STIMATE: variants seen among roughly 807,000 people sequenced by gnomAD.
STIMATE encodes STIM activating enhancer, also known as store-operated calcium entry regulator STIMATE.
Under a neutral mutation model 36.7 loss-of-function variants are expected in STIMATE, and 15 were observed. That is an observed-to-expected ratio of 0.41 (90% CI 0.27 to 0.63). The LOEUF (loss-of-function observed/expected upper bound fraction) is 0.63. Among genes scored for constraint, STIMATE ranks in the 20% least tolerant of loss-of-function variants. STIMATE has a pLI of 0.32. For missense variants in STIMATE, 305 were observed against 397.3 expected, an observed-to-expected ratio of 0.77 and a Z score of 1.98; for synonymous variants, 163 against 162.3, an observed-to-expected ratio of 1.00 and a Z score of -0.03.
At chr3:52,843,209 G>C in intron 6 of STIMATE, 1 of 646,454 alleles carries the variant, frequency 1.5e-6, no homozygotes. Flanking sequence ...GTGGTAACTA[G>C]GGGGAACAGC....
At chr3:52,892,049 C>A (rs189499434) in intron 1 of STIMATE, among the ~76,000 whole-genome samples, 224 of 152,352 alleles carry the variant, frequency 1.5e-3, no homozygotes, top group African/African-American at 5.2e-3. Flanking sequence ...CTGGGTCAGG[C>A]TGGATCCAGA....
At chr3:52,867,369 A>G (rs914251636) in intron 1 of STIMATE, among the ~76,000 whole-genome samples, 1 of 152,264 alleles carries the variant, frequency 6.6e-6, no homozygotes, top group Admixed American at 6.5e-5. Flanking sequence ...GTCCTGGGAC[A>G]CAAAACCGCT....
At chr3:52,888,521 G>A (rs530754913) in intron 1 of STIMATE, among the ~76,000 whole-genome samples, 3 of 152,318 alleles carry the variant, frequency 2.0e-5, no homozygotes, top group East Asian at 1.9e-4. Context: ...GGCATGCACC[G>A]TGTGGCTGTG....
intron 1 of STIMATE, among the ~76,000 whole-genome samples, chr3:52,896,535 C>A (rs1056331336): frequency 6.6e-5 from 10 of 152,142 alleles, no homozygotes; most frequent in African/African-American, 2.2e-4. Context: ...ACTAAGGTGC[C>A]CAAGTTTAAT....
At chr3:52,893,335 T>G (rs972910249) in intron 1 of STIMATE, among the ~76,000 whole-genome samples, 2 of 151,484 alleles carry the variant, frequency 1.3e-5, no homozygotes, top group South Asian at 2.1e-4. Flanking sequence ...CAGTAAAGTG[T>G]GATGCTGGTC....
At chr3:52,857,231 A>C (rs775813347) in intron 1 of STIMATE, among the ~76,000 whole-genome samples, 1 of 152,218 alleles carries the variant, frequency 6.6e-6, no homozygotes, top group Non-Finnish European at 1.5e-5. Flanking sequence ...ATGTTGAGAG[A>C]GAGAGATCAA....
At chr3:52,844,995 T>C in intron 4 of STIMATE, 54 bp from the exon 5 acceptor site, 2 of 1,588,834 alleles carry the variant, frequency 1.3e-6, no homozygotes, top group Non-Finnish European at 1.7e-6. Context: ...CTGAGTGAGA[T>C]GATGTCCCCA....
rs750580622 is a variant in STIMATE, at chr3:52,836,852, G to A, written c.*3642C>T. Reference sequence around the variant, plus strand: ...CGTTTCCATGAATCCTACCACCACCGATTAAGCACCCCCACTGGATGGCTG... The same window carrying A: ...CGTTTCCATGAATCCTACCACCACCAATTAAGCACCCCCACTGGATGGCTG... On this transcript the variant is annotated 3_prime_UTR_variant, in exon 8 of 8. Coordinates refer to ENST00000355083, the MANE Select transcript of STIMATE (RefSeq NM_198563.5). 3.0e-5 allele frequency: 8 copies of A among 262,956 alleles called. No homozygotes were observed. The Admixed American group carries it at 3.6e-4, about 12-fold the overall frequency. The allele number at this position is 262,956 out of a possible 1,614,324, so 16.3% of individuals were successfully genotyped here.
At chr3:52,886,562 C>T (rs903882685) in intron 1 of STIMATE, among the ~76,000 whole-genome samples, 7 of 152,210 alleles carry the variant, frequency 4.6e-5, no homozygotes, top group South Asian at 4.1e-4. Flanking sequence ...GACTCAGTTT[C>T]GTCACCAGAG....
intron 1 of STIMATE, among the ~76,000 whole-genome samples, chr3:52,884,965 C>A (rs1441317525): frequency 6.6e-6 from 1 of 152,192 alleles, no homozygotes; most frequent in Non-Finnish European, 1.5e-5. Context: ...TGGTACATTT[C>A]ATTTTCTTTA....
chr3:52,847,552 C>T, intron 4 of STIMATE: 1 of 1,289,718 alleles, frequency 7.8e-7, no homozygotes, highest in Non-Finnish European at 1.0e-6. Flanking sequence ...GCCTTCTCTT[C>T]TAGGAACAAA....
At chr3:52,881,650 T>G (rs1211063690) in intron 1 of STIMATE, among the ~76,000 whole-genome samples, 1 of 151,994 alleles carries the variant, frequency 6.6e-6, no homozygotes, top group Non-Finnish European at 1.5e-5. Flanking sequence ...TGCAGTGAGC[T>G]GAGATTGCAC....
intron 1 of STIMATE, among the ~76,000 whole-genome samples, chr3:52,883,980 T>C (rs1257413357): frequency 6.6e-6 from 1 of 152,214 alleles, no homozygotes; most frequent in African/African-American, 2.4e-5. Context: ...ATTGGGGCTA[T>C]ACATCATGAT....
intron 1 of STIMATE, among the ~76,000 whole-genome samples, chr3:52,891,261 G>A (rs1300845700): frequency 1.3e-5 from 2 of 152,062 alleles, no homozygotes; most frequent in African/African-American, 4.8e-5. Context: ...CCAGGGACCC[G>A]GCTTACATTT....
intron 1 of STIMATE, among the ~76,000 whole-genome samples, chr3:52,894,604 G>T (rs1701833956): frequency 1.3e-5 from 2 of 152,310 alleles, no homozygotes; most frequent in South Asian, 4.1e-4. Context: ...AGAAAAAAGT[G>T]ATTTTTCTGG....
At chr3:52,855,807 C>A (rs1311904665) in intron 1 of STIMATE, among the ~76,000 whole-genome samples, 1 of 152,224 alleles carries the variant, frequency 6.6e-6, no homozygotes, top group Non-Finnish European at 1.5e-5. Context: ...AATCCATCAT[C>A]AACTCAAACG....
chr3:52,847,483 A>G, intron 4 of STIMATE: 1 of 1,289,572 alleles, frequency 7.8e-7, no homozygotes, highest in Non-Finnish European at 1.0e-6. Flanking sequence ...TCTGGTCTCA[A>G]CCGCCGGGGC....
chr3:52,838,388 C>A lies in STIMATE; in HGVS notation c.*2106G>T, dbSNP rs1379030333. On this transcript the variant is annotated 3_prime_UTR_variant, in exon 8 of 8. Transcript: ENST00000355083. The stretch of plus-strand genomic sequence containing the variant: ...TCCAGGAAGGTGGAAGAAACAGCTG[C>A]AGGCACAGGTTGTTCAAACCAAAAT... 6.6e-6 allele frequency: 1 copy of A among 152,250 alleles called. No homozygotes were observed. Among genetic ancestry groups the A allele is most frequent in the African/African-American group, 2.4e-5 (1 of 41,442 alleles). The allele number at this position is 152,250 out of a possible 1,614,324, so 9.4% of individuals were successfully genotyped here.
intron 1 of STIMATE, among the ~76,000 whole-genome samples, chr3:52,878,390 A>G (rs913594342): frequency 2.6e-5 from 4 of 151,990 alleles, no homozygotes; most frequent in Non-Finnish European, 5.9e-5. Flanking sequence ...CGGGCCTAGG[A>G]ACCCTATGGT....
Sources: gnomAD v4.1 joint callset for allele counts (sites outside exome capture counted in the v4.1 genomes callset) on GRCh38, gnomAD v4.1.1 for gene constraint, MANE v1.5 for transcripts, NCBI Gene and HGNC (gene_info 2026-07-23, HGNC 2026-07-21) for gene names.